Variants in BMP2K observed in about 807,000 individuals in gnomAD.
BMP2K encodes BMP2 inducible kinase.
Under a neutral mutation model 116.0 loss-of-function variants are expected in BMP2K, and 74 were observed. The ratio of observed to expected loss-of-function variants is 0.64; its 90% CI spans 0.53 to 0.77. The LOEUF (loss-of-function observed/expected upper bound fraction) is 0.77, where lower values mean the gene tolerates loss of function less well. Ranked by LOEUF, BMP2K falls within the 30% of genes least tolerant of loss-of-function variation. BMP2K has a pLI of 0.00. For missense variants in BMP2K, 1,365 were observed against 1,403.6 expected (o/e 0.97, Z 0.44); for synonymous variants, 486 against 502.5 (o/e 0.97, Z 0.44).
chr4:78,897,394 T>G (rs1051450906), intron 15 of BMP2K, among the ~76,000 whole-genome samples: 1 of 152,120 alleles, frequency 6.6e-6, no homozygotes, highest in African/African-American at 2.4e-5. Context: ...TTTAAAATGA[T>G]GGAAGTGAAG....
At chr4:78,823,781 G>T (rs1176037776) in intron 1 of BMP2K, among the ~76,000 whole-genome samples, 9 of 151,870 alleles carry the variant, frequency 5.9e-5, no homozygotes, top group Non-Finnish European at 1.3e-4. Context: ...AGCTATGTTT[G>T]GGAAAGCATT....
At chr4:78,879,353 T>C (rs2110067516) in intron 14 of BMP2K, 1 of 987,054 alleles carries the variant, frequency 1.0e-6, no homozygotes, top group Non-Finnish European at 1.2e-6. Context: ...TTTTGTAATG[T>C]CCTTTTAATG....
At chr4:78,783,662 C>A (rs895591167) in intron 1 of BMP2K, among the ~76,000 whole-genome samples, 3 of 151,938 alleles carry the variant, frequency 2.0e-5, no homozygotes, top group African/African-American at 7.3e-5. Context: ...AAATATTAGC[C>A]GGGCATAGTG....
rs1163160769 is a variant in BMP2K, at chr4:78,913,122, A to G, written c.*1089A>G. 1 of 151,130 alleles carries G rather than the reference A, an allele frequency of 6.6e-6. No individual in the cohort carries two copies. Among genetic ancestry groups the G allele is most frequent in the African/African-American group, 2.4e-5 (1 of 40,994 alleles). 9.4% of individuals were successfully genotyped at this position (151,130 alleles called of 1,614,324 possible). A position where few individuals can be genotyped will look rare whatever the true frequency, so the allele number is the denominator to read the frequency against. On this transcript the variant is annotated 3_prime_UTR_variant, in exon 16 of 16. Coordinates refer to ENST00000502613, the MANE Select transcript of BMP2K (RefSeq NM_198892.2). ...ATTCCCCAAGTCATAAGCAACAATT[A>G]TTTTTATTAGGTTTTGGGGGGTGGA...
intron 7 of BMP2K, among the ~76,000 whole-genome samples, chr4:78,853,740 C>T (rs1389257120): frequency 1.3e-5 from 2 of 152,122 alleles, no homozygotes; most frequent in African/African-American, 4.8e-5. Context: ...TCAGTCTTCC[C>T]ATTTCTAAAA....
chr4:78,876,566 T>C (rs1732644422), intron 13 of BMP2K, among the ~76,000 whole-genome samples: 1 of 152,186 alleles, frequency 6.6e-6, no homozygotes, highest in African/African-American at 2.4e-5. Context: ...ACTTTTGCCT[T>C]TCTTTTCTCT....
chr4:78,840,640 T>A (rs1730714110), intron 3 of BMP2K, among the ~76,000 whole-genome samples: 1 of 152,162 alleles, frequency 6.6e-6, no homozygotes, highest in Non-Finnish European at 1.5e-5. Context: ...TTAGAATACC[T>A]TCTTTTAAGC....
intron 13 of BMP2K, among the ~76,000 whole-genome samples, chr4:78,873,707 T>TGCACGCATGCATGTGTGTGCAC (rs1732493515): frequency 6.8e-6 from 1 of 147,514 alleles, no homozygotes; most frequent in South Asian, 2.2e-4. Context: ...TGTGTGTGTA[T>TGCACGCATGCATGTGTGTGCAC]GCATGCATGC....
At chr4:78,843,402 AGCTCCATGAGG>A (rs967267336) in intron 4 of BMP2K, among the ~76,000 whole-genome samples, 2 of 150,372 alleles carry the variant, frequency 1.3e-5, no homozygotes. Context: ...CTAGAATGTA[AGCTCCATGAGG>A]GCCAGGACTT....
intron 15 of BMP2K, chr4:78,899,271 G>A (rs1733874411): frequency 6.6e-6 from 1 of 152,182 alleles, no homozygotes; most frequent in Non-Finnish European, 1.5e-5. Context: ...GACCTTGAAG[G>A]AAAGAGAGGA....
intron 1 of BMP2K, among the ~76,000 whole-genome samples, chr4:78,810,918 G>A (rs894581578): frequency 6.6e-6 from 1 of 151,930 alleles, no homozygotes; most frequent in Non-Finnish European, 1.5e-5. Flanking sequence ...TTTAATAAAG[G>A]AGCAAATTTT....
chr4:78,871,746 T>C (rs1178527013), intron 11 of BMP2K, 104 bp from the exon 12 acceptor site: 1 of 651,092 alleles, frequency 1.5e-6, no homozygotes, highest in East Asian at 2.7e-5. Flanking sequence ...TATTGATGTT[T>C]GGACTACTGA....
rs1734577677 is a variant in BMP2K at position 78,911,238 on chromosome 4, A to G, written c.2691A>G (p.Val897=). 4 of 1,614,022 alleles carry G rather than the reference A, an allele frequency of 2.5e-6. No individual in the cohort carries two copies. Among genetic ancestry groups the G allele is most frequent in the Non-Finnish European group, 3.4e-6 (4 of 1,179,900 alleles). ...GACTGGAGCAGGAGGAATTTGATGT[A>G]TTCACAAAGGCGCCTTTTAGCAAGA... is the stretch of plus-strand genomic sequence containing the variant. The part of the protein sequence containing the change: ...AAGLEQEEFD[V]FTKAPFSKKV... Residue 897 remains valine, a synonymous_variant, in exon 16 of 16, where the codon GTA becomes GTG. Coordinates refer to ENST00000502613, the MANE Select transcript of BMP2K (RefSeq NM_198892.2).
Position 78,840,803 on chromosome 4 carries a change from A to T in BMP2K, c.404-1582A>T, listed in dbSNP as rs576371248. 7.9e-5 allele frequency among the ~76,000 whole-genome samples: 12 copies of T among 152,300 alleles called. No homozygotes were observed. The South Asian group carries it at 2.3e-3, about 29-fold the overall frequency. On this transcript the variant is annotated intron_variant, in intron 3 of 15. Coordinates refer to ENST00000502613, the MANE Select transcript of BMP2K (RefSeq NM_198892.2). ...AAGGTCTCTGGACAGAAGAAAGGGA[A>T]TTAAAGTTTGTTTAAAATTTATTCT...
intron 2 of BMP2K, among the ~76,000 whole-genome samples, chr4:78,829,783 T>TTTTTTTC (rs1553915834): frequency 9.0e-6 from 1 of 110,760 alleles, no homozygotes; most frequent in Admixed American, 9.0e-5. Flanking sequence ...TTCTTTTCTT[T>TTTTTTTC]TCTTTTCTCT....
At chr4:78,797,336 C>T (rs773401812) in intron 1 of BMP2K, among the ~76,000 whole-genome samples, 38 of 152,284 alleles carry the variant, frequency 2.5e-4, no homozygotes, top group Non-Finnish European at 4.1e-4. Context: ...GTGATCAAAT[C>T]AGTCCATTAT....
intron 3 of BMP2K, among the ~76,000 whole-genome samples, chr4:78,838,946 G>A (rs1374834342): frequency 1.3e-5 from 2 of 152,060 alleles, no homozygotes; most frequent in African/African-American, 4.8e-5. Flanking sequence ...GGTATTTTGA[G>A]CACATTTATA....
intron 13 of BMP2K, among the ~76,000 whole-genome samples, chr4:78,876,356 A>T (rs1337039842): frequency 6.6e-6 from 1 of 152,192 alleles, no homozygotes. Context: ...CTGGCAGTTA[A>T]TGCATCCAGA....
chr4:78,896,249 AT>A (rs1182836332), intron 15 of BMP2K, among the ~76,000 whole-genome samples: 1 of 152,204 alleles, frequency 6.6e-6, no homozygotes, highest in Non-Finnish European at 1.5e-5. Flanking sequence ...AAACTATCAA[AT>A]TTTGGCAGTT....
Sources: allele counts gnomAD v4.1 joint callset (sites outside exome capture counted in the v4.1 genomes callset), GRCh38; gene constraint gnomAD v4.1.1; transcripts MANE v1.5; gene names NCBI Gene and HGNC (gene_info 2026-07-23, HGNC 2026-07-21).